TENM2: variants seen among roughly 807,000 people sequenced by gnomAD.
TENM2 encodes teneurin-2.
A neutral mutation model predicts 245.2 loss-of-function variants in TENM2; 52 were observed. That is an observed-to-expected ratio of 0.21 (90% CI 0.17 to 0.27). The LOEUF (loss-of-function observed/expected upper bound fraction) is 0.27. Ranked by LOEUF, TENM2 falls within the 10% of genes least tolerant of loss-of-function variation. TENM2 has a pLI of 1.00. For missense variants in TENM2, 3,046 were observed against 3,666.8 expected, an observed-to-expected ratio of 0.83 and a Z score of 4.37; for synonymous variants, 1,363 against 1,438.9, an observed-to-expected ratio of 0.95 and a Z score of 1.19.
At chr5:168,238,966 G>A (rs1258329217) in intron 25 of TENM2, among the ~76,000 whole-genome samples, 2 of 152,176 alleles carry the variant, frequency 1.3e-5, no homozygotes, top group Non-Finnish European at 2.9e-5. Flanking sequence ...GAAGGGAATC[G>A]TGTTGATCCC....
chr5:167,376,824 C>T (rs952409235), intron 2 of TENM2, among the ~76,000 whole-genome samples: 2 of 152,112 alleles, frequency 1.3e-5, no homozygotes, highest in African/African-American at 2.4e-5. Flanking sequence ...TAAAAGCATA[C>T]GTTGAATCCA....
At chr5:167,032,028 A>C in the TENM2 span, among the ~76,000 whole-genome samples, 1 of 152,300 alleles carries the variant, frequency 6.6e-6, no homozygotes, top group East Asian at 1.9e-4. Context: ...GGATTAAAAC[A>C]CCTAGGTCTG....
intron 13 of TENM2, among the ~76,000 whole-genome samples, chr5:168,180,786 C>T (rs1010879803): frequency 6.6e-6 from 1 of 152,044 alleles, no homozygotes; most frequent in Non-Finnish European, 1.5e-5. Context: ...CCTGTAATGC[C>T]AGCTACTCAG....
intron 13 of TENM2, among the ~76,000 whole-genome samples, chr5:168,174,157 T>C (rs569811843): frequency 4.5e-4 from 69 of 152,336 alleles, no homozygotes; most frequent in Non-Finnish European, 8.1e-4. Flanking sequence ...CTGATATATC[T>C]GCTTGAGTTA....
At chr5:167,669,788 A>G (rs1438582952) in intron 2 of TENM2, among the ~76,000 whole-genome samples, 1 of 152,100 alleles carries the variant, frequency 6.6e-6, no homozygotes, top group Non-Finnish European at 1.5e-5. Context: ...GCTTTCTTAG[A>G]CAAACCGTGG....
chr5:167,296,189 G>A (rs1248458181), intron 1 of TENM2: 11 of 152,038 alleles, frequency 7.2e-5, no homozygotes, highest in South Asian at 6.2e-4. Context: ...CTTTCTCTTC[G>A]GCCAGACCCA....
At chr5:167,123,930 G>T in the TENM2 span, among the ~76,000 whole-genome samples, 1 of 152,216 alleles carries the variant, frequency 6.6e-6, no homozygotes. Context: ...GATCTTTAAA[G>T]AACTTCTAAC....
chr5:167,664,906 G>C (rs917254503), intron 2 of TENM2, among the ~76,000 whole-genome samples: 6 of 152,150 alleles, frequency 3.9e-5, no homozygotes, highest in Non-Finnish European at 8.8e-5. Context: ...TTTTTGGTTT[G>C]TACAACCTTA....
chr5:167,799,000 G>T (rs1765514769), intron 2 of TENM2, among the ~76,000 whole-genome samples: 1 of 152,186 alleles, frequency 6.6e-6, no homozygotes, highest in African/African-American at 2.4e-5. Context: ...CTTTGATGGG[G>T]TTAGGAATAG....
intron 12 of TENM2, among the ~76,000 whole-genome samples, chr5:168,153,749 T>C (rs1402501547): frequency 6.6e-6 from 1 of 152,120 alleles, no homozygotes; most frequent in Non-Finnish European, 1.5e-5. Flanking sequence ...CTGGGCCCCA[T>C]CCCCAGAGGT....
chr5:167,283,019 C>G (rs902547932), upstream of TENM2, among the ~76,000 whole-genome samples: 2 of 152,084 alleles, frequency 1.3e-5, no homozygotes, highest in Non-Finnish European at 1.5e-5. Flanking sequence ...CAAGACTGTG[C>G]TTGAAGATCA....
chr5:167,013,914 C>T, the TENM2 span, among the ~76,000 whole-genome samples: 14 of 152,064 alleles, frequency 9.2e-5, no homozygotes, highest in Middle Eastern at 3.2e-3. Flanking sequence ...AAGGGAATGT[C>T]GAGGAGCTTC....
chr5:167,112,702 A>C, the TENM2 span, among the ~76,000 whole-genome samples: 2 of 152,242 alleles, frequency 1.3e-5, no homozygotes, highest in Non-Finnish European at 2.9e-5. Flanking sequence ...CATTATAATT[A>C]ATTCTTTAAT....
intron 1 of TENM2, among the ~76,000 whole-genome samples, chr5:167,328,912 A>G (rs894412140): frequency 6.6e-6 from 1 of 152,174 alleles, no homozygotes; most frequent in African/African-American, 2.4e-5. Context: ...TTGTCTTCCC[A>G]CTAAAATAAG....
intron 2 of TENM2, among the ~76,000 whole-genome samples, chr5:167,672,040 A>G (rs935082093): frequency 1.3e-5 from 2 of 152,056 alleles, no homozygotes; most frequent in African/African-American, 4.8e-5. Context: ...CTAATGTAAT[A>G]TATGCATTCT....
intron 2 of TENM2, among the ~76,000 whole-genome samples, chr5:167,587,193 T>C (rs148676347): frequency 6.6e-6 from 1 of 152,342 alleles, no homozygotes; most frequent in East Asian, 1.9e-4. Context: ...TGAGGTTTCA[T>C]TGGGTTTTTC....
At chr5:167,596,774 C>G (rs1371978972) in intron 2 of TENM2, among the ~76,000 whole-genome samples, 2 of 142,756 alleles carry the variant, frequency 1.4e-5, no homozygotes, top group Middle Eastern at 7.1e-3. Flanking sequence ...CCAACCTGGG[C>G]GACAGAGCTA....
rs543867390 is a variant in TENM2 at position 168,214,662 on chromosome 5, T to C, written c.3846-378T>C. On this transcript the variant is annotated intron_variant, in intron 20 of 28. Coordinates refer to ENST00000518659, the Ensembl canonical transcript of TENM2. ...ACATGGAAGTGTTCCTCTATCCCACTTGAGAATACACTAAGCCCTCAAGGG... is the reference window on the plus strand; with the variant it reads ...ACATGGAAGTGTTCCTCTATCCCACCTGAGAATACACTAAGCCCTCAAGGG... Among the ~76,000 whole-genome samples the C allele has an allele frequency of 4.6e-5, 7 of 152,264 alleles. No individual in the cohort carries two copies. The South Asian group carries it at 1.2e-3, about 27-fold the overall frequency.
chr5:167,261,530 T>A, the TENM2 span, among the ~76,000 whole-genome samples: 1 of 152,246 alleles, frequency 6.6e-6, no homozygotes, highest in South Asian at 2.1e-4. Flanking sequence ...TTCATCATTA[T>A]CATCACCCCT....
Sources: allele counts gnomAD v4.1 joint callset (sites outside exome capture counted in the v4.1 genomes callset), GRCh38; gene constraint gnomAD v4.1.1; transcripts MANE v1.5; gene names NCBI Gene and HGNC (gene_info 2026-07-23, HGNC 2026-07-21).